GRIK4: variants seen among roughly 807,000 people sequenced by gnomAD.
GRIK4 encodes the protein glutamate ionotropic receptor kainate type subunit 4, also known as glutamate receptor ionotropic, kainate 4.
A neutral mutation model predicts 104.9 loss-of-function variants in GRIK4; 40 were observed. That is an observed-to-expected ratio of 0.38 (90% CI 0.30 to 0.50). The LOEUF is 0.50. Ranked by LOEUF, GRIK4 falls within the 20% of genes least tolerant of loss-of-function variation. The pLI is 0.93. For missense variants in GRIK4, 1,047 were observed against 1,308.1 expected (o/e 0.80, Z 3.08); for synonymous variants, 485 against 524.9 (o/e 0.92, Z 1.04).
At chr11:120,677,915 T>TA (rs1331240567) in intron 3 of GRIK4, among the ~76,000 whole-genome samples, 3 of 152,252 alleles carry the variant, frequency 2.0e-5, no homozygotes, top group Non-Finnish European at 4.4e-5. Flanking sequence ...GATTAATTTT[T>TA]ATAACAACCT....
chr11:120,738,996 A>G (rs1727839324), intron 3 of GRIK4, among the ~76,000 whole-genome samples: 1 of 152,190 alleles, frequency 6.6e-6, no homozygotes, highest in Non-Finnish European at 1.5e-5. Context: ...AGAGCCAAAA[A>G]GTTGAAGCAG....
intron 14 of GRIK4, among the ~76,000 whole-genome samples, chr11:120,945,595 T>G (rs2134664326): frequency 6.6e-6 from 1 of 152,284 alleles, no homozygotes; most frequent in East Asian, 1.9e-4. Context: ...GAACCTGAGA[T>G]TCTATTAGGG....
intron 1 of GRIK4, among the ~76,000 whole-genome samples, chr11:120,598,994 G>A (rs527886696): frequency 6.6e-6 from 1 of 152,332 alleles, no homozygotes; most frequent in Admixed American, 6.5e-5. Context: ...GTGCCTGCAG[G>A]AACGAGGAAG....
At chr11:120,589,149 C>A (rs558077981) in intron 1 of GRIK4, among the ~76,000 whole-genome samples, 1 of 152,206 alleles carries the variant, frequency 6.6e-6, no homozygotes, top group South Asian at 2.1e-4. Context: ...ACCAAGCAGG[C>A]CAAGCTGAAG....
At position 120,559,288 on chromosome 11, in the gene GRIK4, C is replaced by T. The variant is rs549940005; in HGVS notation, c.-159+47401C>T. Reference sequence around the variant, plus strand: ...TCCCTCGCTTCGGCTAATCTCTTGGCTGTGGATAAATGAGCTCGTGGGCAC... The same window carrying T: ...TCCCTCGCTTCGGCTAATCTCTTGGTTGTGGATAAATGAGCTCGTGGGCAC... On this transcript the variant is annotated intron_variant, in intron 1 of 20. Coordinates refer to ENST00000527524, the MANE Select transcript of GRIK4 (RefSeq NM_014619.5). 2.1e-3 allele frequency among the ~76,000 whole-genome samples: 316 copies of T among 152,310 alleles called. 1 individual carries two copies. The highest frequency in any genetic ancestry group is 7.2e-3 in the African/African-American group (298 of 41,556).
intron 1 of GRIK4, among the ~76,000 whole-genome samples, chr11:120,544,227 C>A (rs1948064175): frequency 6.6e-6 from 1 of 152,204 alleles, no homozygotes; most frequent in Non-Finnish European, 1.5e-5. Flanking sequence ...ATAGTAGTTT[C>A]ACCAGTGTAT....
chr11:120,878,635 A>T (rs1954883080), intron 11 of GRIK4, among the ~76,000 whole-genome samples: 1 of 142,068 alleles, frequency 7.0e-6, no homozygotes, highest in Non-Finnish European at 1.5e-5. Context: ...TTTTTCAACA[A>T]ATCTAGTGAG....
At chr11:120,802,082 C>T (rs1952630373) in intron 3 of GRIK4, among the ~76,000 whole-genome samples, 1 of 152,212 alleles carries the variant, frequency 6.6e-6, no homozygotes, top group Non-Finnish European at 1.5e-5. Flanking sequence ...AGTGAATCCT[C>T]ACACCAACCC....
At position 120,819,570 on chromosome 11, in the gene GRIK4, A is replaced by G. The variant is rs1953052737; in HGVS notation, c.346-185A>G. Reference sequence around the variant, plus strand: ...GGGGCTGCTTCTTTGAAGCATCATCAGGGATGTCATCGCTCGTCTTCCTCC... The same window carrying G: ...GGGGCTGCTTCTTTGAAGCATCATCGGGGATGTCATCGCTCGTCTTCCTCC... On this transcript the variant is annotated intron_variant, in intron 5 of 20. Transcript: ENST00000527524. This position sits in a 1 kb window ranked among gnomAD's most constrained non-coding sequence, Gnocchi z 4.3. Among the ~76,000 whole-genome samples the G allele has an allele frequency of 6.6e-6, 1 of 152,186 alleles. No homozygotes were observed. The highest frequency in any genetic ancestry group is 1.5e-5 in the Non-Finnish European group (1 of 68,036).
intron 11 of GRIK4, among the ~76,000 whole-genome samples, chr11:120,882,965 G>A (rs575233045): frequency 1.2e-4 from 18 of 152,238 alleles, no homozygotes; most frequent in African/African-American, 4.1e-4. Flanking sequence ...TCCTACTCAC[G>A]TCTCCAAAAC....
chr11:120,737,173 C>G (rs1215426847), intron 3 of GRIK4, among the ~76,000 whole-genome samples: 1 of 152,162 alleles, frequency 6.6e-6, no homozygotes, highest in Non-Finnish European at 1.5e-5. Flanking sequence ...ACCACTTTAT[C>G]TTGAAAACTG....
At chr11:120,933,720 T>C (rs1421912521) in intron 13 of GRIK4, among the ~76,000 whole-genome samples, 1 of 152,180 alleles carries the variant, frequency 6.6e-6, no homozygotes, top group Non-Finnish European at 1.5e-5. Flanking sequence ...ATAATATTGA[T>C]AGGCTGGTAT....
chr11:120,562,049 G>A (rs1422757475), intron 1 of GRIK4, among the ~76,000 whole-genome samples: 1 of 152,240 alleles, frequency 6.6e-6, no homozygotes, highest in Non-Finnish European at 1.5e-5. Context: ...GAATGTGCCA[G>A]ATGGGCTGAC....
At chr11:120,909,557 A>G (rs1942946635) in intron 13 of GRIK4, among the ~76,000 whole-genome samples, 1 of 152,182 alleles carries the variant, frequency 6.6e-6, no homozygotes, top group Admixed American at 6.5e-5. Context: ...AAGAAAGAGA[A>G]TGTGTACAAG....
At chr11:120,573,147 C>T (rs954566911) in intron 1 of GRIK4, among the ~76,000 whole-genome samples, 2 of 152,164 alleles carry the variant, frequency 1.3e-5, no homozygotes, top group Admixed American at 1.3e-4. Context: ...GTGTGGTGTC[C>T]TGGGTATTTC....
chr11:120,768,403 C>T (rs1951877133), intron 3 of GRIK4, among the ~76,000 whole-genome samples: 1 of 152,056 alleles, frequency 6.6e-6, no homozygotes, highest in Non-Finnish European at 1.5e-5. Flanking sequence ...ATTTTGTATA[C>T]TGCAACTTTA....
chr11:120,621,570 C>G (rs752728784), intron 1 of GRIK4, among the ~76,000 whole-genome samples: 3 of 152,142 alleles, frequency 2.0e-5, no homozygotes, highest in Admixed American at 1.3e-4. Context: ...AGTGAAGGTC[C>G]TGGCATCCTC....
At chr11:120,539,976 G>T (rs1384668972) in intron 1 of GRIK4, among the ~76,000 whole-genome samples, 1 of 152,178 alleles carries the variant, frequency 6.6e-6, no homozygotes, top group East Asian at 1.9e-4. Context: ...GTGACAGGCA[G>T]CGAATCGTGG....
rs746226328 is a variant in GRIK4, at chr11:120,944,997, T to TAA, written c.1590+4549_1590+4550dup. The stretch of plus-strand genomic sequence containing the variant: ...TCTATTTGCAGCCTGGGTGTTGGTT[T>TAA]AAAAAAAAAAAAAGACAAATGTAAT... On this transcript the variant is annotated intron_variant, in intron 14 of 20. Transcript: ENST00000527524. Among the ~76,000 whole-genome samples, 167 of 145,000 alleles carry TAA rather than the reference T, an allele frequency of 1.2e-3. 1 individual carries two copies. The highest frequency in any genetic ancestry group is 4.1e-3 in the African/African-American group (164 of 39,696).
Sources: allele counts gnomAD v4.1 joint callset (sites outside exome capture counted in the v4.1 genomes callset), GRCh38; gene constraint gnomAD v4.1.1; non-coding constraint Gnocchi (gnomAD v3.1); transcripts MANE v1.5; gene names NCBI Gene and HGNC (gene_info 2026-07-23, HGNC 2026-07-21).